Variants in PPP2R5C observed in about 807,000 individuals in gnomAD.
The protein encoded by PPP2R5C is serine/threonine-protein phosphatase 2A 56 kDa regulatory subunit gamma isoform.
Under a neutral mutation model 68.9 loss-of-function variants are expected in PPP2R5C, and 7 were observed. The ratio of observed to expected loss-of-function variants is 0.10; its 90% CI spans 0.06 to 0.19. The LOEUF (loss-of-function observed/expected upper bound fraction) is 0.19. Among genes scored for constraint, PPP2R5C ranks in the 10% least tolerant of loss-of-function variants. The pLI is 1.00. For missense variants in PPP2R5C, 348 were observed against 641.3 expected (o/e 0.54, Z 4.94); for synonymous variants, 210 against 222.2 (o/e 0.95, Z 0.49).
At chr14:101,809,669 TA>T (rs2039235678), upstream of PPP2R5C, 1 of 396,018 alleles carries the variant, frequency 2.5e-6, no homozygotes, top group South Asian at 4.1e-5. Flanking sequence ...GCCTAAAAGT[TA>T]CTGAGAAACG....
rs1281213310 is a variant in PPP2R5C at position 101,899,249 on chromosome 14, A to G, written c.853-2470A>G. ...CCACCTGCCTCTTCAGTCTCATCAC[A>G]TTTTACTACATGGCATAGTAGCGGC... On this transcript the variant is annotated intron_variant, in intron 8 of 13. Transcript: ENST00000334743. This position sits in a 1 kb window ranked among gnomAD's most constrained non-coding sequence, Gnocchi z 4.2. Among the ~76,000 whole-genome samples the G allele has an allele frequency of 6.6e-6, 1 of 152,198 alleles. No individual in the cohort carries two copies. The highest frequency in any genetic ancestry group is 1.5e-5 in the Non-Finnish European group (1 of 68,034).
intron 5 of PPP2R5C, among the ~76,000 whole-genome samples, chr14:101,885,238 C>T (rs147612707): frequency 1.1e-3 from 162 of 152,288 alleles, no homozygotes; most frequent in Non-Finnish European, 1.9e-3. Flanking sequence ...ACAGTGACCA[C>T]GGGAAAAGAA....
rs1039581879 is a variant in PPP2R5C at position 101,882,049 on chromosome 14, G to A, written c.295-112G>A. The A allele has an allele frequency of 3.6e-6, 3 of 837,050 alleles. No homozygotes were observed. Among genetic ancestry groups the A allele is most frequent in the Non-Finnish European group, 5.4e-6 (3 of 559,364 alleles). 51.9% of individuals were successfully genotyped at this position (837,050 alleles called of 1,614,324 possible). ...TTCTGCGTTTTGAGGATACGGAGGA[G>A]CTAAGTTACCATGGGAAGCGGCTAC... On this transcript the variant is annotated intron_variant, in intron 2 of 13. Transcript: ENST00000334743. The surrounding 1 kb of genome is among the most constrained non-coding windows in gnomAD (Gnocchi z 4.9).
chr14:101,810,095 A>C lies in PPP2R5C; in HGVS notation c.94+59A>C, dbSNP rs147838675. 3.1e-4 allele frequency: 446 copies of C among 1,454,982 alleles called. 6 individuals carry two copies. In the East Asian group the frequency reaches 0.01, roughly 33 times the overall value. 90.1% of individuals were successfully genotyped at this position (1,454,982 alleles called of 1,614,324 possible). A position where few individuals can be genotyped will look rare whatever the true frequency, so the allele number is the denominator to read the frequency against. On this transcript the variant is annotated intron_variant, in intron 1 of 13. Transcript: ENST00000334743. Reference sequence around the variant, plus strand: ...TTCCGTGGGTAGTTAATAAATGGCTATTGTGCTTCAGATAAGAAAAGCAGG... The same window carrying C: ...TTCCGTGGGTAGTTAATAAATGGCTCTTGTGCTTCAGATAAGAAAAGCAGG...
chr14:101,836,528 G>A, intron 1 of PPP2R5C: 2 of 572,602 alleles, frequency 3.5e-6, no homozygotes, highest in East Asian at 2.8e-5. Context: ...TCAAAATATT[G>A]TTTAGACAAA....
chr14:101,785,700 C>T (rs1425262333), intron 2 of PPP2R5C, among the ~76,000 whole-genome samples: 1 of 152,150 alleles, frequency 6.6e-6, no homozygotes, highest in Non-Finnish European at 1.5e-5. Flanking sequence ...CCCATATTCA[C>T]CAGTTCCAGG....
intron 1 of PPP2R5C, among the ~76,000 whole-genome samples, chr14:101,852,751 C>T (rs1050428003): frequency 6.6e-6 from 1 of 152,122 alleles, no homozygotes; most frequent in African/African-American, 2.4e-5. Context: ...GGATTACAGA[C>T]GTGAGCCACC....
In PPP2R5C at chr14:101,877,246, G is replaced by A. The variant is rs1338888185; in HGVS notation, c.295-4915G>A. ...TTACAGGCATGAGTCACCGCGCCTGGCCTTTACCCTTTCCAATGGAGGAGA... is the reference window on the plus strand; with the variant it reads ...TTACAGGCATGAGTCACCGCGCCTGACCTTTACCCTTTCCAATGGAGGAGA... On this transcript the variant is annotated intron_variant, in intron 2 of 13. Transcript: ENST00000334743. This position sits in a 1 kb window ranked among gnomAD's most constrained non-coding sequence, Gnocchi z 4.2. 1.3e-5 allele frequency among the ~76,000 whole-genome samples: 2 copies of A among 152,122 alleles called. No homozygotes were observed. Among genetic ancestry groups the A allele is most frequent in the Admixed American group, 6.5e-5 (1 of 15,274 alleles).
At chr14:101,865,026 C>G (rs1595410560) in intron 2 of PPP2R5C, among the ~76,000 whole-genome samples, 1 of 152,118 alleles carries the variant, frequency 6.6e-6, no homozygotes, top group East Asian at 1.9e-4. Flanking sequence ...GGTAGAAACA[C>G]GATTCGGGGT....
upstream of PPP2R5C, among the ~76,000 whole-genome samples, chr14:101,806,670 G>C (rs1009117302): frequency 1.3e-5 from 2 of 152,118 alleles, no homozygotes; most frequent in African/African-American, 4.8e-5. Context: ...AGAAATTTGT[G>C]ATTTTAAGAT....
intron 1 of PPP2R5C, among the ~76,000 whole-genome samples, chr14:101,846,102 C>T (rs141205802): frequency 5.4e-4 from 83 of 152,356 alleles, no homozygotes; most frequent in African/African-American, 1.9e-3. Flanking sequence ...GACCTAGCTA[C>T]AGGCAGCCAC....
chr14:101,833,034 A>G (rs2140349847), intron 1 of PPP2R5C, among the ~76,000 whole-genome samples: 1 of 152,350 alleles, frequency 6.6e-6, no homozygotes, highest in Middle Eastern at 3.4e-3. Flanking sequence ...ACGTGCTGGA[A>G]TCAGTCATGT....
At chr14:101,812,032 C>T (rs1210034356) in intron 1 of PPP2R5C, among the ~76,000 whole-genome samples, 1 of 152,180 alleles carries the variant, frequency 6.6e-6, no homozygotes, top group East Asian at 1.9e-4. Flanking sequence ...CTAAGACTAA[C>T]TTCTGACTCA....
intron 1 of PPP2R5C, among the ~76,000 whole-genome samples, chr14:101,847,196 AAAG>A (rs2041878769): frequency 6.6e-6 from 1 of 152,198 alleles, no homozygotes; most frequent in Non-Finnish European, 1.5e-5. Context: ...AAAATGGTAA[AAAG>A]ACAAAGTTCT....
upstream of PPP2R5C, chr14:101,761,867 C>A (rs1013794023): frequency 1.2e-5 from 13 of 1,099,004 alleles, no homozygotes; most frequent in African/African-American, 2.2e-4. Flanking sequence ...GCAGGGGCGG[C>A]GGCGGCGGCG....
chr14:101,786,141 G>T (rs576069163), exon 3 of PPP2R5C: 2 of 1,589,108 alleles, frequency 1.3e-6, no homozygotes, highest in African/African-American at 1.3e-5. Flanking sequence ...AAGGTTTAGC[G>T]CAAGCAATAA....
At chr14:101,897,115 C>G (rs2045384116) in intron 8 of PPP2R5C, among the ~76,000 whole-genome samples, 1 of 152,166 alleles carries the variant, frequency 6.6e-6, no homozygotes, top group African/African-American at 2.4e-5. Context: ...CACTCTCCCT[C>G]CAGCCCCTAG....
chr14:101,760,741 T>C (rs1389515179), upstream of PPP2R5C: 8 of 343,772 alleles, frequency 2.3e-5, no homozygotes, highest in Non-Finnish European at 2.3e-5. Flanking sequence ...GGGGAGGGGC[T>C]GGTCGAGGGG....
intron 2 of PPP2R5C, among the ~76,000 whole-genome samples, chr14:101,868,296 G>A (rs2043199789): frequency 6.6e-6 from 1 of 152,024 alleles, no homozygotes; most frequent in South Asian, 2.1e-4. Context: ...GTTTTTTAGA[G>A]GTTTGTTTGT....
Sources: gnomAD v4.1 joint callset for allele counts (sites outside exome capture counted in the v4.1 genomes callset) on GRCh38, gnomAD v4.1.1 for gene constraint, Gnocchi (gnomAD v3.1) non-coding constraint, MANE v1.5 for transcripts, NCBI Gene and HGNC (gene_info 2026-07-23, HGNC 2026-07-21) for gene names.